Variants in KCNC2 observed in about 807,000 individuals in gnomAD.
The protein encoded by KCNC2 is voltage-gated potassium channel KCNC2.
Under a neutral mutation model 44.5 loss-of-function variants are expected in KCNC2, and 21 were observed. The observed-to-expected ratio is 0.47, with a 90% CI of 0.33 to 0.68. The LOEUF (loss-of-function observed/expected upper bound fraction) is 0.68. KCNC2 is among the 30% of genes least tolerant of loss of function. KCNC2 has a pLI of 0.01. For synonymous variants in KCNC2, 391 were observed against 339.1 expected (o/e 1.15, Z -1.68); for missense variants, 589 against 826.2 (o/e 0.71, Z 3.52).
rs147304031 is a variant in KCNC2, at chr12:75,067,964, C to T, written c.688-16647G>A. Among the ~76,000 whole-genome samples, 1,220 of 152,064 alleles carry T rather than the reference C, an allele frequency of 8.0e-3. 13 individuals are homozygous for T. Among genetic ancestry groups the T allele is most frequent in the South Asian group, 0.017 (83 of 4,824 alleles). Reference sequence around the variant, plus strand: ...ACTTTACTTGAACTAAAGTAAACTGCGTTTTTTGGAATGATCATGGAGTTT... The same window carrying T: ...ACTTTACTTGAACTAAAGTAAACTGTGTTTTTTGGAATGATCATGGAGTTT... On this transcript the variant is annotated intron_variant, in intron 2 of 4. Coordinates refer to ENST00000549446, the MANE Select transcript of KCNC2 (RefSeq NM_139137.4).
At position 75,050,613 on chromosome 12, in the gene KCNC2, T is replaced by C. The variant is rs199569288; in HGVS notation, c.1392A>G (p.Thr464=). The change falls in exon 3 of 5, where the codon ACA becomes ACG. Residue 464 remains threonine (T), a synonymous_variant. Transcript: ENST00000549446. ...CAATGACAGGCACTGGCATGGCTAT[T>C]GTCAGCACTCCAGCCAGAGCACACA... ...GALCALAGVL[T]IAMPVPVIVN... 1.9e-6 allele frequency: 3 copies of C among 1,613,366 alleles called. No homozygotes were observed. Among genetic ancestry groups the C allele is most frequent in the Non-Finnish European group, 1.7e-6 (2 of 1,179,748 alleles).
chr12:75,129,195 G>A (rs571252966), intron 2 of KCNC2, among the ~76,000 whole-genome samples: 12 of 152,206 alleles, frequency 7.9e-5, no homozygotes, highest in East Asian at 3.9e-4. Flanking sequence ...GCAGATCAGC[G>A]CAAACAAACT....
At chr12:75,203,286 A>G (rs1458729116) in intron 2 of KCNC2, among the ~76,000 whole-genome samples, 2 of 151,832 alleles carry the variant, frequency 1.3e-5, no homozygotes, top group Non-Finnish European at 3.0e-5. Flanking sequence ...TGGCCCATAC[A>G]AAGTAAATTA....
chr12:75,179,392 GA>G (rs1213749384), intron 2 of KCNC2, among the ~76,000 whole-genome samples: 1 of 151,824 alleles, frequency 6.6e-6, no homozygotes, highest in African/African-American at 2.4e-5. Flanking sequence ...GATACTGAAA[GA>G]AGTATGCCTT....
chr12:75,128,074 C>G (rs1180256283), intron 2 of KCNC2, among the ~76,000 whole-genome samples: 1 of 151,916 alleles, frequency 6.6e-6, no homozygotes, highest in Non-Finnish European at 1.5e-5. Flanking sequence ...AAAATAATAA[C>G]TCAAATTATA....
intron 2 of KCNC2, among the ~76,000 whole-genome samples, chr12:75,147,557 T>C (rs1890111231): frequency 6.6e-6 from 1 of 152,292 alleles, no homozygotes; most frequent in African/African-American, 2.4e-5. Context: ...TCATCTAAGG[T>C]GGTCAGAAAA....
intron 2 of KCNC2, among the ~76,000 whole-genome samples, chr12:75,106,433 G>A (rs558379918): frequency 2.6e-5 from 4 of 152,258 alleles, no homozygotes; most frequent in South Asian, 4.1e-4. Flanking sequence ...AAGCTAAAAA[G>A]AAATGATCCC....
chr12:75,060,862 C>T (rs1317073129), intron 2 of KCNC2, among the ~76,000 whole-genome samples: 2 of 152,062 alleles, frequency 1.3e-5, no homozygotes, highest in Non-Finnish European at 2.9e-5. Flanking sequence ...CTATCATGTA[C>T]CAGGCTATTT....
Position 75,115,858 on chromosome 12 carries a change from T to A in KCNC2, c.688-64541A>T, listed in dbSNP as rs146085381. 1.5e-3 allele frequency among the ~76,000 whole-genome samples: 228 copies of A among 152,278 alleles called. 2 individuals carry two copies. Among genetic ancestry groups the A allele is most frequent in the Middle Eastern group, 6.8e-3 (2 of 292 alleles). ...CCTCCCCCCAAAATAATGAATATAA[T>A]TACAATATTGTGCATACCTGAAACT... On this transcript the variant is annotated intron_variant, in intron 2 of 4. Transcript: ENST00000549446.
At position 75,050,475 on chromosome 12, in the gene KCNC2, C is replaced by T. The variant is rs201050565; in HGVS notation, c.1530G>A (p.Lys510=). The change falls in exon 3 of 5, where the codon AAG becomes AAA. Residue 510 remains lysine (K), a synonymous_variant. Transcript: ENST00000549446. The stretch of plus-strand genomic sequence containing the variant: ...TATTGCAGGCCATATTTAATTCTGT[C>T]TTGCAAAAAGTAGGTGAGCTTGCCT... ...APQASSPTFC[K]TELNMACNST... The T allele has an allele frequency of 5.6e-6, 9 of 1,613,548 alleles. No homozygotes were observed. Among genetic ancestry groups the T allele is most frequent in the Admixed American group, 3.3e-5 (2 of 59,930 alleles).
chr12:75,174,837 CA>C (rs2137602690), intron 2 of KCNC2, among the ~76,000 whole-genome samples: 1 of 151,982 alleles, frequency 6.6e-6, no homozygotes, highest in African/African-American at 2.4e-5. Context: ...TTGAATTAAC[CA>C]TGGTTTTAAC....
chr12:75,157,929 G>A (rs762971322), intron 2 of KCNC2, among the ~76,000 whole-genome samples: 15 of 151,956 alleles, frequency 9.9e-5, no homozygotes, highest in Middle Eastern at 3.4e-3. Context: ...CTCTTAGAAC[G>A]GTTAAATTAA....
intron 2 of KCNC2, among the ~76,000 whole-genome samples, chr12:75,168,578 T>G (rs28497817): frequency 6.6e-6 from 1 of 151,526 alleles, no homozygotes; most frequent in Non-Finnish European, 1.5e-5. Flanking sequence ...TTAAACAAAG[T>G]CCGTTAGTTT....
chr12:75,205,903 A>G (rs1239781193), intron 2 of KCNC2, among the ~76,000 whole-genome samples: 2 of 151,928 alleles, frequency 1.3e-5, no homozygotes, highest in Non-Finnish European at 2.9e-5. Context: ...CCTGAAAAAA[A>G]AAAAAAAAGA....
rs531848431 is a variant in KCNC2 at position 75,169,673 on chromosome 12, T to C, written c.687+37624A>G. 2.2e-4 allele frequency among the ~76,000 whole-genome samples: 34 copies of C among 151,822 alleles called. 1 individual carries two copies. The highest frequency in any genetic ancestry group is 1.6e-3 in the East Asian group (8 of 5,140). On this transcript the variant is annotated intron_variant, in intron 2 of 4. Coordinates refer to ENST00000549446, the MANE Select transcript of KCNC2 (RefSeq NM_139137.4). ...TTGTAATTCTTATAAATTACTATGA[T>C]TGTTGTTTTCTTTCTTTTCTTTCCT...
At chr12:75,196,747 A>G (rs537664490) in intron 2 of KCNC2, among the ~76,000 whole-genome samples, 264 of 152,248 alleles carry the variant, frequency 1.7e-3, no homozygotes, top group African/African-American at 6.0e-3. Flanking sequence ...ATCAACTATC[A>G]GAAGTCAGCC....
At position 75,207,978 on chromosome 12, in the gene KCNC2, G is replaced by C. The variant is rs199730100; in HGVS notation, c.6C>G (p.Gly2=). 1 of 1,612,222 alleles carries C rather than the reference G, an allele frequency of 6.2e-7. No homozygotes were observed. The highest frequency in any genetic ancestry group is 1.7e-5 in the Admixed American group (1 of 59,926). Residue 2 remains glycine, a synonymous_variant, in exon 2 of 5, where the codon GGC becomes GGG. Coordinates refer to ENST00000549446, the MANE Select transcript of KCNC2 (RefSeq NM_139137.4). The surrounding 1 kb of genome is among the most constrained non-coding windows in gnomAD (Gnocchi z 4.1). M[G]KIENNERVIL... ...TCACCCTCTCGTTGTTCTCGATCTT[G>C]CCCATCTCTGTGACTCAGACATGAC... is the stretch of plus-strand genomic sequence containing the variant.
chr12:75,145,698 G>A (rs1440273330), intron 2 of KCNC2, among the ~76,000 whole-genome samples: 1 of 151,978 alleles, frequency 6.6e-6, no homozygotes, highest in Non-Finnish European at 1.5e-5. Context: ...AATTTCTAGT[G>A]TCTTCTTGTT....
chr12:75,119,504 A>C (rs1199037447), intron 2 of KCNC2, among the ~76,000 whole-genome samples: 1 of 152,244 alleles, frequency 6.6e-6, no homozygotes, highest in Non-Finnish European at 1.5e-5. Flanking sequence ...AAACATATTC[A>C]GAGAAACTGG....
Sources: allele counts gnomAD v4.1 joint callset (sites outside exome capture counted in the v4.1 genomes callset), GRCh38; gene constraint gnomAD v4.1.1; non-coding constraint Gnocchi (gnomAD v3.1); transcripts MANE v1.5; gene names NCBI Gene and HGNC (gene_info 2026-07-23, HGNC 2026-07-21).